The following ARNT variants were observed in gnomAD, a reference collection of about 807,000 sequenced individuals.
The protein encoded by ARNT is aryl hydrocarbon receptor nuclear translocator.
Under a neutral mutation model 105.0 loss-of-function variants are expected in ARNT, and 30 were observed. That is an observed-to-expected ratio of 0.29 (90% CI 0.21 to 0.39). The LOEUF (loss-of-function observed/expected upper bound fraction) is 0.39, where lower values mean the gene tolerates loss of function less well. Among genes scored for constraint, ARNT ranks in the 10% least tolerant of loss-of-function variants. The pLI is 1.00. For missense variants in ARNT, 748 were observed against 978.7 expected (o/e 0.76, Z 3.15); for synonymous variants, 304 against 344.0 (o/e 0.88, Z 1.29).
At chr1:150,812,189 T>C (rs1654868448) in intron 21 of ARNT, 79 bp from the exon 22 acceptor site, 4 of 1,052,834 alleles carry the variant, frequency 3.8e-6, no homozygotes, top group East Asian at 5.7e-5. Context: ...ACCATTCCCC[T>C]GCACTACCAT....
At chr1:150,814,659 T>G (rs1484799304) in intron 19 of ARNT, among the ~76,000 whole-genome samples, 1 of 152,068 alleles carries the variant, frequency 6.6e-6, no homozygotes, top group African/African-American at 2.4e-5. Context: ...CGGGCCAACA[T>G]GGTGAAATCC....
chr1:150,846,295 A>G lies in ARNT; in HGVS notation c.195T>C (p.Asp65=). 1.2e-6 allele frequency: 2 copies of G among 1,613,294 alleles called. No individual in the cohort carries two copies. The highest frequency in any genetic ancestry group is 1.7e-6 in the Non-Finnish European group (2 of 1,179,404). The stretch of plus-strand genomic sequence containing the variant: ...ACCGCTCCTTATCGTTAGACATCTG[A>G]TCATCATCACACCTGAAGGAGAGAA... ...GNSKFLRCDD[D]QMSNDKERFA... The change falls in exon 4 of 22, where the codon GAT becomes GAC. Residue 65 remains aspartate (D), a synonymous_variant. Transcript: ENST00000358595.
Position 150,834,650 on chromosome 1 carries a change from G to C in ARNT, c.701-10C>G. The C allele has an allele frequency of 6.2e-7, 1 of 1,612,546 alleles. No homozygotes were observed. The highest frequency in any genetic ancestry group is 1.1e-5 in the South Asian group (1 of 91,024). ...AGATCCAGGATACGCCCTGAAGGAAGATGTGAAGAGCAGTCTGGAGTGCAT... is the reference window on the plus strand; with the variant it reads ...AGATCCAGGATACGCCCTGAAGGAACATGTGAAGAGCAGTCTGGAGTGCAT... On this transcript the variant is annotated splice_polypyrimidine_tract_variant and intron_variant, in intron 7 of 21. Transcript: ENST00000358595.
At chr1:150,872,118 G>A (rs904883691) in intron 1 of ARNT, among the ~76,000 whole-genome samples, 5 of 151,720 alleles carry the variant, frequency 3.3e-5, no homozygotes, top group Non-Finnish European at 7.4e-5. Context: ...CACAGTGCCC[G>A]GAAAATTTTT....
chr1:150,855,523 C>T (rs1664439481), intron 2 of ARNT, among the ~76,000 whole-genome samples: 1 of 151,924 alleles, frequency 6.6e-6, no homozygotes, highest in Non-Finnish European at 1.5e-5. Flanking sequence ...GATCGCATCA[C>T]CGCACTCCAG....
At chr1:150,843,897 T>G in intron 4 of ARNT, among the ~76,000 whole-genome samples, 1 of 152,164 alleles carries the variant, frequency 6.6e-6, no homozygotes. Context: ...AATTCTGTTA[T>G]TTAAAAAAAA....
chr1:150,841,484 G>T (rs1237686417), intron 5 of ARNT, among the ~76,000 whole-genome samples: 1 of 152,062 alleles, frequency 6.6e-6, no homozygotes, highest in Non-Finnish European at 1.5e-5. Context: ...CAGTGAAAGG[G>T]TTAGTAAGAA....
At position 150,836,282 on chromosome 1, in the gene ARNT, G is replaced by A. The variant is rs775708945; in HGVS notation, c.698C>T (p.Thr233Ile). ...EQLSTSENAL[T>I]GRILDLKTGT... ...TTTCCCATACACATAACTCTCACCT[G>A]TCAGGGCATTTTCTGAAGTGGAAAG... The change falls in exon 7 of 22, where the codon ACA becomes ATA. Residue 233 changes from threonine to isoleucine, a missense_variant and splice_region_variant. This residue lies in a region of ARNT where 291 missense variants were observed against 444.6 expected (regional missense o/e 0.65). Transcript: ENST00000358595. 3.7e-6 allele frequency: 6 copies of A among 1,613,878 alleles called. No individual in the cohort carries two copies. The highest frequency in any genetic ancestry group is 3.3e-4 in the Middle Eastern group (2 of 6,084).
chr1:150,867,645 T>C (rs889510405), intron 1 of ARNT, among the ~76,000 whole-genome samples: 29 of 152,200 alleles, frequency 1.9e-4, no homozygotes, highest in African/African-American at 6.5e-4. Flanking sequence ...AAGGGTGATA[T>C]GGTTTGGCTC....
intron 19 of ARNT, 100 bp downstream of exon 19, chr1:150,816,159 G>C (rs1022155398): frequency 2.1e-6 from 3 of 1,415,068 alleles, no homozygotes; most frequent in Admixed American, 5.0e-5. Flanking sequence ...AGGGGTTGGG[G>C]AGAAGGTATT....
intron 14 of ARNT, among the ~76,000 whole-genome samples, chr1:150,819,037 T>C (rs1332504336): frequency 6.6e-6 from 1 of 152,162 alleles, no homozygotes; most frequent in East Asian, 1.9e-4. Flanking sequence ...CTAAGTTAGT[T>C]AGCAAAGAAT....
rs587762788 is a variant in ARNT at position 150,839,713 on chromosome 1, G to C, written c.273-59C>G. On this transcript the variant is annotated intron_variant, in intron 5 of 21. Coordinates refer to ENST00000358595, the MANE Select transcript of ARNT (RefSeq NM_001668.4). The stretch of plus-strand genomic sequence containing the variant: ...GGTCACATCTGGTCATTTGGTAGCA[G>C]GGAGAGTGATATGGATACCAAGTGT... 295 of 1,521,216 alleles carry C rather than the reference G, an allele frequency of 1.9e-4. 1 individual carries two copies. In the South Asian group the frequency reaches 3.1e-3, roughly 16 times the overall value. 94.2% of individuals were successfully genotyped at this position (1,521,216 alleles called of 1,614,324 possible).
chr1:150,842,743 A>C (rs1372085970), intron 4 of ARNT, among the ~76,000 whole-genome samples: 11 of 152,166 alleles, frequency 7.2e-5, no homozygotes, highest in Non-Finnish European at 1.6e-4. Flanking sequence ...GGTCAACATA[A>C]AAGCAAAGCC....
chr1:150,826,637 G>A lies in ARNT; in HGVS notation c.1168-20C>T, dbSNP rs1571245035. The A allele has an allele frequency of 6.4e-7, 1 of 1,555,434 alleles. No individual in the cohort carries two copies. The highest frequency in any genetic ancestry group is 2.2e-5 in the East Asian group (1 of 44,476). ...GAGTTCCTAGAATACAGAAAGAAGAGTAAGATATATACTTTTTTTTTTTTA... is the reference window on the plus strand; with the variant it reads ...GAGTTCCTAGAATACAGAAAGAAGAATAAGATATATACTTTTTTTTTTTTA... On this transcript the variant is annotated intron_variant, in intron 12 of 21. Coordinates refer to ENST00000358595, the MANE Select transcript of ARNT (RefSeq NM_001668.4).
At chr1:150,840,319 T>C (rs587630129) in intron 5 of ARNT, among the ~76,000 whole-genome samples, 1 of 152,306 alleles carries the variant, frequency 6.6e-6, no homozygotes, top group South Asian at 2.1e-4. Flanking sequence ...CTTAAGTTCC[T>C]ATGGAACATA....
At chr1:150,814,490 A>G (rs2101560063) in intron 19 of ARNT, among the ~76,000 whole-genome samples, 1 of 152,370 alleles carries the variant, frequency 6.6e-6, no homozygotes, top group South Asian at 2.1e-4. Flanking sequence ...AAATGAAAGC[A>G]TCTTATAAAC....
At chr1:150,835,564 G>A (rs587646298) in intron 7 of ARNT, among the ~76,000 whole-genome samples, 8 of 152,280 alleles carry the variant, frequency 5.3e-5, no homozygotes, top group East Asian at 3.9e-4. Context: ...ATGTGCCACC[G>A]TACTCCAGCC....
intron 20 of ARNT, 37 bp downstream of exon 20, chr1:150,814,040 C>T (rs774837278): frequency 1.0e-5 from 16 of 1,607,310 alleles, no homozygotes; most frequent in Admixed American, 5.1e-5. Context: ...TTTAGTGGTG[C>T]GATTTTCCTG....
At chr1:150,876,198 C>T (rs1453772197) in intron 1 of ARNT, among the ~76,000 whole-genome samples, 3 of 152,226 alleles carry the variant, frequency 2.0e-5, no homozygotes, top group Admixed American at 6.5e-5. Flanking sequence ...CATCAAGCGG[C>T]TCCAGCGGGC....
Sources: allele counts gnomAD v4.1 joint callset (sites outside exome capture counted in the v4.1 genomes callset), GRCh38; gene constraint gnomAD v4.1.1; regional missense constraint gnomAD v4.1.1; transcripts MANE v1.5; gene names NCBI Gene and HGNC (gene_info 2026-07-23, HGNC 2026-07-21).